STK39: variants seen among roughly 807,000 people sequenced by gnomAD.
STK39 encodes the protein serine/threonine kinase 39.
A neutral mutation model predicts 77.8 loss-of-function variants in STK39; 20 were observed. That is an observed-to-expected ratio of 0.26 (90% CI 0.18 to 0.37). STK39 has a LOEUF of 0.37. Ranked by LOEUF, STK39 falls within the 10% of genes least tolerant of loss-of-function variation. The pLI, the probability that STK39 is intolerant of heterozygous loss-of-function variation, is 1.00. For synonymous variants in STK39, 246 were observed against 234.1 expected, an observed-to-expected ratio of 1.05 and a Z score of -0.47; for missense variants, 479 against 656.5, an observed-to-expected ratio of 0.73 and a Z score of 2.95.
At chr2:167,971,237 C>G (rs561883390) in intron 16 of STK39, among the ~76,000 whole-genome samples, 1 of 152,084 alleles carries the variant, frequency 6.6e-6, no homozygotes, top group Non-Finnish European at 1.5e-5. Context: ...AATTTCTGAT[C>G]CAAACTGGGT....
rs370050304 is a variant in STK39 at position 168,081,102 on chromosome 2, T to C, written c.1090-5871A>G. Among the ~76,000 whole-genome samples the C allele has an allele frequency of 7.0e-4, 107 of 152,270 alleles. 1 individual carries two copies. The highest frequency in any genetic ancestry group is 1.3e-3 in the African/African-American group (54 of 41,550). The stretch of plus-strand genomic sequence containing the variant: ...GGTCAGAGGCCCCACACGGTCTCTA[T>C]TGGGGCACTGCCTAGTGGAGCTATG... On this transcript the variant is annotated intron_variant, in intron 10 of 17. Coordinates refer to ENST00000355999, the MANE Select transcript of STK39 (RefSeq NM_013233.3).
rs1686247443 is a variant in STK39 at position 168,082,026 on chromosome 2, C to A, written c.1090-6795G>T. Among the ~76,000 whole-genome samples the A allele has an allele frequency of 2.6e-5, 4 of 152,130 alleles. No homozygotes were observed. The South Asian group carries it at 8.3e-4, about 31-fold the overall frequency. On this transcript the variant is annotated intron_variant, in intron 10 of 17. Transcript: ENST00000355999. The stretch of plus-strand genomic sequence containing the variant: ...TCTTTATCAGCAGCGCAAAAACATA[C>A]TAACACATACTCACAGCCCCTATCT...
intron 14 of STK39, among the ~76,000 whole-genome samples, chr2:168,059,744 C>A: frequency 6.6e-6 from 1 of 152,180 alleles, no homozygotes; most frequent in East Asian, 1.9e-4. Context: ...TTTGTGATAG[C>A]TTTTCACACA....
At chr2:168,210,662 G>A (rs902356797) in intron 1 of STK39, among the ~76,000 whole-genome samples, 4 of 152,140 alleles carry the variant, frequency 2.6e-5, no homozygotes, top group African/African-American at 4.8e-5. Context: ...TGGGACCACA[G>A]GCACCTGCCA....
At chr2:167,993,277 A>G (rs564908625) in intron 16 of STK39, among the ~76,000 whole-genome samples, 2 of 152,340 alleles carry the variant, frequency 1.3e-5, no homozygotes, top group South Asian at 4.2e-4. Context: ...CTGTTCAGAG[A>G]TGGGCATAAG....
intron 1 of STK39, among the ~76,000 whole-genome samples, chr2:168,205,985 G>A (rs1689731103): frequency 6.6e-6 from 1 of 152,032 alleles, no homozygotes; most frequent in Admixed American, 6.6e-5. Flanking sequence ...GAAAAACAAC[G>A]AAATGTGTTT....
At chr2:168,144,914 G>A (rs531143047) in intron 5 of STK39, among the ~76,000 whole-genome samples, 111 of 151,500 alleles carry the variant, frequency 7.3e-4, no homozygotes, top group Non-Finnish European at 1.2e-3. Context: ...CCAGGAGGTC[G>A]AGGACGCAGT....
In STK39 at chr2:168,013,858, A is replaced by T. The variant is rs573087664; in HGVS notation, c.1430-1156T>A. ...TGTATGTGTTTGCATATGTGCATATACATGTGAGTGTGCAGCTGGAGGTAC... is the reference window on the plus strand; with the variant it reads ...TGTATGTGTTTGCATATGTGCATATTCATGTGAGTGTGCAGCTGGAGGTAC... On this transcript the variant is annotated intron_variant, in intron 15 of 17. Transcript: ENST00000355999. Among the ~76,000 whole-genome samples the T allele has an allele frequency of 3.5e-4, 52 of 150,710 alleles. No individual in the cohort carries two copies. In the South Asian group the frequency reaches 0.011, roughly 31 times the overall value.
At chr2:167,965,140 A>T (rs1574349901) in intron 16 of STK39, among the ~76,000 whole-genome samples, 1 of 134,474 alleles carries the variant, frequency 7.4e-6, no homozygotes, top group Admixed American at 7.6e-5. Context: ...AAAAACAAAA[A>T]AAAACAAAGG....
At chr2:167,964,576 G>A in intron 17 of STK39, 86 bp downstream of exon 17, 1 of 1,226,928 alleles carries the variant, frequency 8.2e-7, no homozygotes. Flanking sequence ...CAAAATTACA[G>A]AGTAGGTTAT....
At chr2:168,170,774 A>T (rs16855027) in intron 2 of STK39, among the ~76,000 whole-genome samples, 24,856 of 152,174 alleles carry the variant, frequency 0.16, 2,101 homozygotes, top group East Asian at 0.25. Context: ...TGCCTGGCTG[A>T]GTCTAACTGG....
intron 3 of STK39, among the ~76,000 whole-genome samples, chr2:168,165,066 A>G (rs1688664466): frequency 1.3e-5 from 2 of 151,660 alleles, no homozygotes; most frequent in Admixed American, 6.6e-5. Flanking sequence ...TCCCCAGAGG[A>G]AAAAAAAACC....
chr2:168,048,682 A>G (rs1480823649), intron 14 of STK39, among the ~76,000 whole-genome samples: 1 of 152,140 alleles, frequency 6.6e-6, no homozygotes, highest in African/African-American at 2.4e-5. Flanking sequence ...CAAGCCTCCA[A>G]TAATTGGCTC....
intron 1 of STK39, among the ~76,000 whole-genome samples, 178 bp from the exon 2 acceptor site, chr2:168,182,268 A>AG (rs1444577193): frequency 1.3e-5 from 2 of 151,978 alleles, no homozygotes; most frequent in Admixed American, 1.3e-4. Flanking sequence ...TATCTGGAGG[A>AG]GAAAAAAAAA....
intron 17 of STK39, among the ~76,000 whole-genome samples, chr2:167,959,879 C>T (rs894021374): frequency 1.4e-4 from 21 of 152,040 alleles, no homozygotes; most frequent in Non-Finnish European, 2.1e-4. Flanking sequence ...TTTACACCAA[C>T]GTCAACACAG....
intron 12 of STK39, among the ~76,000 whole-genome samples, chr2:168,069,269 G>A (rs745829443): frequency 2.0e-4 from 30 of 152,092 alleles, no homozygotes; most frequent in Non-Finnish European, 3.8e-4. Context: ...TGTGACAATA[G>A]CAATAAGTAA....
intron 14 of STK39, among the ~76,000 whole-genome samples, chr2:168,054,788 A>C (rs894796668): frequency 9.1e-4 from 133 of 146,434 alleles, no homozygotes; most frequent in African/African-American, 3.2e-3. Flanking sequence ...AAAAAAAAAA[A>C]CTCACACACA....
rs187636222 is a variant in STK39, at chr2:168,034,261, T to A, written c.1377-17166A>T. On this transcript the variant is annotated intron_variant, in intron 14 of 17. Transcript: ENST00000355999. ...GGGGTTTGAAACAAAGAGACTGGGA[T>A]TGACTTACCTTGATAATTGTCAGGG... is the stretch of plus-strand genomic sequence containing the variant. 5.3e-5 allele frequency among the ~76,000 whole-genome samples: 8 copies of A among 152,322 alleles called. No homozygotes were observed. The East Asian group carries it at 1.5e-3, about 29-fold the overall frequency.
chr2:168,206,197 A>G (rs1689737421), intron 1 of STK39, among the ~76,000 whole-genome samples: 1 of 152,202 alleles, frequency 6.6e-6, no homozygotes. Flanking sequence ...ATCCACATCC[A>G]GTGCATACAG....
Sources: gnomAD v4.1 joint callset for allele counts (sites outside exome capture counted in the v4.1 genomes callset) on GRCh38, gnomAD v4.1.1 for gene constraint, MANE v1.5 for transcripts, NCBI Gene and HGNC (gene_info 2026-07-23, HGNC 2026-07-21) for gene names.